The following AUTS2 variants were observed in gnomAD, a reference collection of about 807,000 sequenced individuals.
AUTS2 encodes the protein autism susceptibility gene 2 protein.
In AUTS2, 17 loss-of-function variants were observed where a neutral mutation model predicts 112.4. The ratio of observed to expected loss-of-function variants is 0.15; its 90% CI spans 0.10 to 0.23. The LOEUF (loss-of-function observed/expected upper bound fraction) is 0.23. Among genes scored for constraint, AUTS2 ranks in the 10% least tolerant of loss-of-function variants. The pLI, the probability that AUTS2 is intolerant of heterozygous loss-of-function variation, is 1.00. For synonymous variants in AUTS2, 751 were observed against 702.7 expected, an observed-to-expected ratio of 1.07 and a Z score of -1.09; for missense variants, 1,510 against 1,701.6, an observed-to-expected ratio of 0.89 and a Z score of 1.98.
intron 1 of AUTS2, among the ~76,000 whole-genome samples, chr7:69,807,029 TG>T (rs1790340626): frequency 6.6e-6 from 1 of 152,156 alleles, no homozygotes; most frequent in Non-Finnish European, 1.5e-5. Context: ...AGCTTGCTCT[TG>T]TAATGTTTAG....
At chr7:70,183,376 A>C (rs1276575142) in intron 4 of AUTS2, among the ~76,000 whole-genome samples, 1 of 151,946 alleles carries the variant, frequency 6.6e-6, no homozygotes, top group East Asian at 1.9e-4. Flanking sequence ...TAGCATTGCC[A>C]CTATTTTATC....
chr7:70,677,962 G>A (rs1808004964), intron 5 of AUTS2, among the ~76,000 whole-genome samples: 2 of 152,026 alleles, frequency 1.3e-5, no homozygotes, highest in East Asian at 1.9e-4. Flanking sequence ...GGGCCCTGTA[G>A]TCCCAGCTAC....
At chr7:69,663,974 ACT>A (rs1043417566) in intron 1 of AUTS2, among the ~76,000 whole-genome samples, 71 of 152,316 alleles carry the variant, frequency 4.7e-4, no homozygotes, top group African/African-American at 1.6e-3. Flanking sequence ...AGACATTTAA[ACT>A]CATATTTTAT....
At chr7:69,914,860 C>T (rs1472971261) in intron 2 of AUTS2, among the ~76,000 whole-genome samples, 1 of 152,012 alleles carries the variant, frequency 6.6e-6, no homozygotes, top group Non-Finnish European at 1.5e-5. Context: ...TCCCACGTGC[C>T]CTCGGTTTAA....
chr7:69,826,141 G>A (rs948156219), intron 1 of AUTS2, among the ~76,000 whole-genome samples: 2 of 152,180 alleles, frequency 1.3e-5, no homozygotes, highest in Admixed American at 6.5e-5. Context: ...AGGGGAGAAT[G>A]GCCTGGGAGT....
chr7:70,279,306 T>C (rs1788092181), intron 4 of AUTS2, among the ~76,000 whole-genome samples: 1 of 152,196 alleles, frequency 6.6e-6, no homozygotes. Context: ...TTAAGAGCAG[T>C]GCTTACCAGT....
At chr7:70,759,773 G>A (rs368089099) in intron 6 of AUTS2, among the ~76,000 whole-genome samples, 3 of 152,132 alleles carry the variant, frequency 2.0e-5, no homozygotes, top group Admixed American at 6.5e-5. Flanking sequence ...CTTGAGGCTC[G>A]TTCAAGAACA....
chr7:69,657,075 A>G (rs1305140801), intron 1 of AUTS2, among the ~76,000 whole-genome samples: 2 of 152,178 alleles, frequency 1.3e-5, no homozygotes, highest in Non-Finnish European at 2.9e-5. Context: ...ATCTTGCTTT[A>G]ATTAAATACA....
intron 1 of AUTS2, among the ~76,000 whole-genome samples, chr7:69,687,882 C>G (rs1466980367): frequency 1.3e-5 from 2 of 152,262 alleles, no homozygotes; most frequent in Admixed American, 6.5e-5. Flanking sequence ...TACCCTGCCA[C>G]TTTCTTCCCT....
At chr7:70,653,499 T>C (rs1806615703) in intron 5 of AUTS2, among the ~76,000 whole-genome samples, 1 of 152,182 alleles carries the variant, frequency 6.6e-6, no homozygotes, top group African/African-American at 2.4e-5. Context: ...CTCTCTGAGA[T>C]CCAGTTCAAA....
intron 6 of AUTS2, among the ~76,000 whole-genome samples, chr7:70,745,769 A>C (rs1294743724): frequency 6.6e-6 from 1 of 152,222 alleles, no homozygotes; most frequent in Non-Finnish European, 1.5e-5. Flanking sequence ...GTTTTATTGT[A>C]TATTGAAAAT....
At chr7:70,046,010 A>T (rs770012216) in intron 2 of AUTS2, among the ~76,000 whole-genome samples, 1 of 151,910 alleles carries the variant, frequency 6.6e-6, no homozygotes, top group Non-Finnish European at 1.5e-5. Context: ...ACTCAGTAAA[A>T]CCTTCAAAGT....
At position 69,915,972 on chromosome 7, in the gene AUTS2, G is replaced by T. The variant is rs533503796; in HGVS notation, c.522+16474G>T. Among the ~76,000 whole-genome samples the T allele has an allele frequency of 3.7e-4, 56 of 152,266 alleles. 1 individual carries two copies. The South Asian group carries it at 3.9e-3, about 11-fold the overall frequency. ...GAGCTCAAGCAATTCTCTTGCCTTGGCCTCCCAAAGTGCTGGGATTACAGG... is the reference window on the plus strand; with the variant it reads ...GAGCTCAAGCAATTCTCTTGCCTTGTCCTCCCAAAGTGCTGGGATTACAGG... On this transcript the variant is annotated intron_variant, in intron 2 of 18. Coordinates refer to ENST00000342771, the MANE Select transcript of AUTS2 (RefSeq NM_015570.4).
At chr7:70,664,050 GC>G (rs1267527049) in intron 5 of AUTS2, among the ~76,000 whole-genome samples, 1 of 152,160 alleles carries the variant, frequency 6.6e-6, no homozygotes, top group Non-Finnish European at 1.5e-5. Flanking sequence ...AGTAGATGGG[GC>G]CAGCCAAAGC....
intron 2 of AUTS2, among the ~76,000 whole-genome samples, chr7:69,978,643 A>G (rs1476504113): frequency 3.3e-5 from 5 of 152,158 alleles, no homozygotes; most frequent in African/African-American, 1.2e-4. Context: ...GTTTGACACC[A>G]GCCTAGGCAA....
intron 1 of AUTS2, among the ~76,000 whole-genome samples, chr7:69,721,670 A>G (rs955201658): frequency 7.2e-5 from 11 of 152,350 alleles, no homozygotes; most frequent in African/African-American, 2.2e-4. Flanking sequence ...TAAGTATAAC[A>G]GCCTGAGCAC....
At chr7:69,975,664 C>T (rs74921879) in intron 2 of AUTS2, among the ~76,000 whole-genome samples, 12,304 of 151,596 alleles carry the variant, frequency 0.081, 596 homozygotes, top group East Asian at 0.13. Context: ...TGAGCCCATC[C>T]GTTGAATTTT....
At chr7:69,669,756 A>G (rs1481882799) in intron 1 of AUTS2, among the ~76,000 whole-genome samples, 1 of 151,954 alleles carries the variant, frequency 6.6e-6, no homozygotes, top group Non-Finnish European at 1.5e-5. Context: ...TTTATGAAGC[A>G]TGTGTGTGTC....
chr7:70,544,853 G>A (rs796857546), intron 5 of AUTS2, among the ~76,000 whole-genome samples: 7 of 152,190 alleles, frequency 4.6e-5, no homozygotes, highest in African/African-American at 1.7e-4. Flanking sequence ...CATGAAGACG[G>A]CTTATTTACC....
Sources: allele counts gnomAD v4.1 joint callset (sites outside exome capture counted in the v4.1 genomes callset), GRCh38; gene constraint gnomAD v4.1.1; transcripts MANE v1.5; gene names NCBI Gene and HGNC (gene_info 2026-07-23, HGNC 2026-07-21).